Variants in HMG20B observed in about 807,000 individuals in gnomAD.
The protein encoded by HMG20B is SWI/SNF-related matrix-associated actin-dependent regulator of chromatin subfamily E member 1-related.
HMG20B carries 24 observed loss-of-function variants against 41.6 expected under a neutral mutation model. The observed-to-expected ratio is 0.58, with a 90% CI of 0.42 to 0.81. HMG20B has a LOEUF of 0.81. Ranked by LOEUF, HMG20B falls within the 30% of genes least tolerant of loss-of-function variation. HMG20B has a pLI of 0.00. For missense variants in HMG20B, 461 were observed against 444.0 expected (o/e 1.04, Z -0.34); for synonymous variants, 251 against 186.6 (o/e 1.34, Z -2.81).
intron 4 of HMG20B, 128 bp downstream of exon 4, chr19:3,574,714 A>AAT: frequency 1.4e-6 from 1 of 710,612 alleles, no homozygotes; most frequent in Non-Finnish European, 2.2e-6. Context: ...CCCATAACCA[A>AAT]CTTTTTTTTT....
At chr19:3,573,052 G>C (rs967290320) in intron 1 of HMG20B, 58 bp downstream of exon 1, 2 of 450,020 alleles carry the variant, frequency 4.4e-6, no homozygotes, top group Non-Finnish European at 7.9e-6. Context: ...AGGGGTCCCA[G>C]GGCCGGGCCG....
Position 3,578,992 on chromosome 19 carries a change from C to T in HMG20B, c.*471C>T. The T allele has an allele frequency of 5.6e-6, 2 of 358,874 alleles. No homozygotes were observed. The highest frequency in any genetic ancestry group is 3.8e-4 in the Middle Eastern group (1 of 2,636). 22.2% of individuals were successfully genotyped at this position (358,874 alleles called of 1,614,324 possible). On this transcript the variant is annotated 3_prime_UTR_variant, in exon 10 of 10. Transcript: ENST00000333651. ...GGGGGCCGGCTTTGCCCATCCTGCT[C>T]TCCTCCAGCCGAGGGACCCTGGTGG...
rs1378708365 is a variant in HMG20B at position 3,573,290 on chromosome 19, A to G, written c.-18-2A>G. 3 of 1,520,950 alleles carry G rather than the reference A, an allele frequency of 2.0e-6. No homozygotes were observed. Among genetic ancestry groups the G allele is most frequent in the African/African-American group, 2.8e-5 (2 of 70,870 alleles). 94.2% of individuals were successfully genotyped at this position (1,520,950 alleles called of 1,614,324 possible). A position where few individuals can be genotyped will look rare whatever the true frequency, so the allele number is the denominator to read the frequency against. The stretch of plus-strand genomic sequence containing the variant: ...TCACCTCCGCCCGCGTCCGTGTTCC[A>G]GGTCCGGCCCGGAGCGGCCATGTCC... On this transcript the variant is annotated splice_acceptor_variant, in intron 1 of 9. Transcript: ENST00000333651. LOFTEE classifies it low-confidence loss of function (5UTR_SPLICE).
At chr19:3,578,485 C>T (rs2032222472) in intron 9 of HMG20B, 24 bp from the exon 10 acceptor site, 2 of 1,522,112 alleles carry the variant, frequency 1.3e-6, no homozygotes, top group South Asian at 2.5e-5. Flanking sequence ...GGGCCTCATC[C>T]CGGGCCCTCC....
chr19:3,574,058 C>A (rs1184435347), intron 3 of HMG20B: 2 of 654,916 alleles, frequency 3.1e-6, no homozygotes, highest in South Asian at 3.3e-5. Flanking sequence ...GGGCGGCACC[C>A]TCCCCTTGGT....
rs192047878 is a variant in HMG20B, at chr19:3,575,966, G to T, written c.473-295G>T. On this transcript the variant is annotated intron_variant, in intron 5 of 9. Transcript: ENST00000333651. The stretch of plus-strand genomic sequence containing the variant: ...CTCAAAAAAAAAAAAAAAAGAAAAA[G>T]AAAAATGAAAGGTGGGAGGGGCCGG... The T allele has an allele frequency of 5.3e-3, 2,557 of 479,650 alleles. 53 individuals carry two copies. The highest frequency in any genetic ancestry group is 0.048 in the African/African-American group (2,339 of 48,822). 29.7% of individuals were successfully genotyped at this position (479,650 alleles called of 1,614,324 possible). A position where few individuals can be genotyped will look rare whatever the true frequency, so the allele number is the denominator to read the frequency against.
At chr19:3,575,397 G>A in intron 4 of HMG20B, 143 bp from the exon 5 acceptor site, 2 of 1,376,732 alleles carry the variant, frequency 1.5e-6, no homozygotes, top group South Asian at 1.4e-5. Context: ...ACAGGCTGAG[G>A]AGCCGGTTCT....
chr19:3,573,956 G>C (rs762502801), intron 3 of HMG20B, 156 bp downstream of exon 3: 2 of 751,600 alleles, frequency 2.7e-6, no homozygotes, highest in South Asian at 2.9e-5. Flanking sequence ...CCACGCCCCT[G>C]ACAGGTCCTC....
At chr19:3,573,268 C>T in intron 1 of HMG20B, 24 bp from the exon 2 acceptor site, 2 of 1,515,016 alleles carry the variant, frequency 1.3e-6, no homozygotes, top group East Asian at 2.7e-5. Context: ...GCGCTACTCA[C>T]CTCCGCCCGC....
At position 3,575,664 on chromosome 19, in the gene HMG20B, G is replaced by C. The variant is rs2032142469; in HGVS notation, c.472+4G>C. 1.1e-5 allele frequency: 17 copies of C among 1,549,614 alleles called. No individual in the cohort carries two copies. Among genetic ancestry groups the C allele is most frequent in the Non-Finnish European group, 1.0e-5 (12 of 1,146,638 alleles). Reference sequence around the variant, plus strand: ...CAGGAGAAGAAGATCAAGAAAGGTGGGAGGGGTCGGGCGCGGTGGCTCACG... The same window carrying C: ...CAGGAGAAGAAGATCAAGAAAGGTGCGAGGGGTCGGGCGCGGTGGCTCACG... On this transcript the variant is annotated splice_donor_region_variant and intron_variant, in intron 5 of 9. Coordinates refer to ENST00000333651, the MANE Select transcript of HMG20B (RefSeq NM_006339.3).
At chr19:3,573,569 G>C (rs745853558) in intron 2 of HMG20B, 123 bp from the exon 3 acceptor site, 5 of 972,564 alleles carry the variant, frequency 5.1e-6, no homozygotes, top group Non-Finnish European at 7.2e-6. Flanking sequence ...ATCAGACCCT[G>C]CCTCCTCGGG....
intron 5 of HMG20B, chr19:3,575,926 A>G (rs1221341898): frequency 9.6e-6 from 4 of 415,360 alleles, no homozygotes; most frequent in Middle Eastern, 6.6e-4. Context: ...CCAGGGCGAC[A>G]GGGCGAGACT....
chr19:3,576,794 G>A (rs951621343), intron 7 of HMG20B, 98 bp from the exon 8 acceptor site: 8 of 1,363,126 alleles, frequency 5.9e-6, no homozygotes, highest in Non-Finnish European at 8.1e-6. Flanking sequence ...GGCAGAGGGC[G>A]CAGTGAGGGA....
rs2032072890 is a variant in HMG20B, at chr19:3,572,993, A to T, written c.-20A>T. The T allele has an allele frequency of 1.4e-5, 5 of 345,852 alleles. No individual in the cohort carries two copies. Among genetic ancestry groups the T allele is most frequent in the Non-Finnish European group, 2.1e-5 (4 of 190,040 alleles). The allele number at this position is 345,852 out of a possible 1,614,324, so 21.4% of individuals were successfully genotyped here. A position where few individuals can be genotyped will look rare whatever the true frequency, so the allele number is the denominator to read the frequency against. Reference sequence around the variant, plus strand: ...GGGAGGTCCGGGAAAGTTTCTTTGGAGGTGAAAACAGCCGCGGAACTCCGG... The same window carrying T: ...GGGAGGTCCGGGAAAGTTTCTTTGGTGGTGAAAACAGCCGCGGAACTCCGG... On this transcript the variant is annotated splice_region_variant and 5_prime_UTR_variant, in exon 1 of 10. Transcript: ENST00000333651.
At chr19:3,574,918 C>A (rs533684504) in intron 4 of HMG20B, among the ~76,000 whole-genome samples, 2 of 152,198 alleles carry the variant, frequency 1.3e-5, no homozygotes, top group African/African-American at 2.4e-5. Context: ...GGGGTTTCGC[C>A]ATGTTGGCCA....
intron 2 of HMG20B, 82 bp downstream of exon 2, chr19:3,573,429 C>CCG (rs2145252153): frequency 2.9e-6 from 4 of 1,375,082 alleles, no homozygotes; most frequent in Admixed American, 2.8e-5. Context: ...CCCAGTCCCT[C>CCG]CCGCCGGAGT....
In HMG20B at chr19:3,576,977, C is replaced by A; in HGVS notation, c.678C>A (p.Ser226Arg). 1 of 1,575,478 alleles carries A rather than the reference C, an allele frequency of 6.3e-7. No homozygotes were observed. Among genetic ancestry groups the A allele is most frequent in the Non-Finnish European group, 8.6e-7 (1 of 1,162,116 alleles). Residue 226 changes from serine to arginine, a missense_variant, in exon 8 of 10, where the codon AGC (serine) becomes AGA (arginine). Ser to Arg is a moderately radical substitution (Grantham distance 110, BLOSUM62 -1). Transcript: ENST00000333651. ...QNAVLQRHTQ[S>R]MSSARERLEQ... Reference sequence around the variant, plus strand: ...CGGTACTGCAGAGGCACACGCAGAGCATGAGCAGCGCGCGCGAGCGTCTGG... The same window carrying A: ...CGGTACTGCAGAGGCACACGCAGAGAATGAGCAGCGCGCGCGAGCGTCTGG...
chr19:3,577,169 CCCT>C (rs1171911975), intron 8 of HMG20B, 62 bp downstream of exon 8: 3 of 1,165,660 alleles, frequency 2.6e-6, no homozygotes, highest in Non-Finnish European at 2.3e-6. Context: ...GCCTCCCCCC[CCCT>C]CCTCCCTTCC....
intron 3 of HMG20B, chr19:3,574,178 A>AT: frequency 1.6e-6 from 1 of 612,306 alleles, no homozygotes; most frequent in Non-Finnish European, 2.9e-6. Context: ...AGTTCCTCAG[A>AT]TCCCCTCACC....
Sources: allele counts gnomAD v4.1 joint callset (sites outside exome capture counted in the v4.1 genomes callset), GRCh38; gene constraint gnomAD v4.1.1; transcripts MANE v1.5; gene names NCBI Gene and HGNC (gene_info 2026-07-23, HGNC 2026-07-21).